Variants in GALNTL6 observed in about 807,000 individuals in gnomAD.
GALNTL6 encodes the protein polypeptide N-acetylgalactosaminyltransferase-like 6.
A neutral mutation model predicts 73.7 loss-of-function variants in GALNTL6; 46 were observed. The ratio of observed to expected loss-of-function variants is 0.62; its 90% CI spans 0.49 to 0.80. The LOEUF is 0.80. Among genes scored for constraint, GALNTL6 ranks in the 30% least tolerant of loss-of-function variants. The pLI, the probability that GALNTL6 is intolerant of heterozygous loss-of-function variation, is 0.00. For missense variants in GALNTL6, 604 were observed against 755.0 expected, an observed-to-expected ratio of 0.80 and a Z score of 2.34; for synonymous variants, 259 against 263.7, an observed-to-expected ratio of 0.98 and a Z score of 0.17.
intron 5 of GALNTL6, among the ~76,000 whole-genome samples, chr4:172,740,571 T>C (rs1047712207): frequency 6.6e-6 from 1 of 152,176 alleles, no homozygotes; most frequent in Non-Finnish European, 1.5e-5. Context: ...ACGCATGCTT[T>C]CCTAGCTGTG....
chr4:172,206,811 T>G (rs11946211), intron 2 of GALNTL6, among the ~76,000 whole-genome samples: 25 of 39,258 alleles, frequency 6.4e-4, no homozygotes, highest in Admixed American at 1.7e-3. Context: ...TTCTGTTTTT[T>G]TTGTTTGTTT....
chr4:172,618,353 C>A (rs988756458), intron 5 of GALNTL6, among the ~76,000 whole-genome samples: 1 of 152,078 alleles, frequency 6.6e-6, no homozygotes, highest in African/African-American at 2.4e-5. Context: ...AAAGGCAATT[C>A]CACAGAAAAC....
chr4:171,905,902 A>T (rs1360236694), intron 2 of GALNTL6, among the ~76,000 whole-genome samples: 2 of 150,966 alleles, frequency 1.3e-5, no homozygotes, highest in Non-Finnish European at 3.0e-5. Flanking sequence ...TACTGGGTAC[A>T]TAATGAAATG....
chr4:172,928,242 A>G (rs1676354141), intron 8 of GALNTL6, among the ~76,000 whole-genome samples: 1 of 152,184 alleles, frequency 6.6e-6, no homozygotes, highest in African/African-American at 2.4e-5. Context: ...TAATCTATAG[A>G]TACAATATCA....
At chr4:172,938,759 G>T (rs12641678) in intron 9 of GALNTL6, among the ~76,000 whole-genome samples, 13,944 of 152,202 alleles carry the variant, frequency 0.092, 759 homozygotes, top group Non-Finnish European at 0.12. Flanking sequence ...GAGTTCAGGG[G>T]CATGGTGGCC....
chr4:172,735,457 GA>G (rs1736405034), intron 5 of GALNTL6, among the ~76,000 whole-genome samples: 2 of 152,176 alleles, frequency 1.3e-5, no homozygotes, highest in African/African-American at 4.8e-5. Flanking sequence ...TTGTATCTAG[GA>G]AGTAACTAAC....
At chr4:172,025,279 T>C (rs988811575) in intron 2 of GALNTL6, among the ~76,000 whole-genome samples, 4 of 152,052 alleles carry the variant, frequency 2.6e-5, no homozygotes, top group African/African-American at 9.6e-5. Flanking sequence ...TTTCTTTTCA[T>C]TAAAATGGAC....
At chr4:172,602,636 CA>C (rs1489411582) in intron 5 of GALNTL6, among the ~76,000 whole-genome samples, 2 of 151,990 alleles carry the variant, frequency 1.3e-5, no homozygotes, top group East Asian at 3.9e-4. Flanking sequence ...ATACATTGAC[CA>C]TTCGAATATT....
intron 2 of GALNTL6, among the ~76,000 whole-genome samples, chr4:171,988,195 C>G (rs1166721673): frequency 2.6e-5 from 4 of 152,096 alleles, no homozygotes; most frequent in Non-Finnish European, 5.9e-5. Flanking sequence ...AGTCCTGGCT[C>G]TTGTGTAAGA....
chr4:172,522,673 C>G (rs931412704), intron 5 of GALNTL6, among the ~76,000 whole-genome samples: 44 of 63,342 alleles, frequency 6.9e-4, no homozygotes, highest in Admixed American at 5.0e-3. Flanking sequence ...AGTCCCCCCC[C>G]CCCCCAAAAA....
chr4:172,642,033 A>G (rs538429261), intron 5 of GALNTL6, among the ~76,000 whole-genome samples: 53 of 152,242 alleles, frequency 3.5e-4, no homozygotes, highest in African/African-American at 1.2e-3. Context: ...GTGAAATATC[A>G]TCCTACATCT....
Position 173,021,566 on chromosome 4 carries a change from C to T in GALNTL6, c.1579C>T (p.Pro527Ser). The T allele has an allele frequency of 6.2e-7, 1 of 1,614,090 alleles. No individual in the cohort carries two copies. The change falls in exon 12 of 13, where the codon CCC becomes TCC. Residue 527 changes from proline to serine, a missense_variant. Transcript: ENST00000506823. ...FCFDAISHNS[P>S]VTLYDCHGMK... ...CTTTGATGCGATCTCACACAACAGC[C>T]CCGTTACACTCTATGACTGTCATGG...
chr4:172,349,442 CAAA>C (rs1741866007), intron 5 of GALNTL6, among the ~76,000 whole-genome samples: 2 of 151,958 alleles, frequency 1.3e-5, no homozygotes, highest in East Asian at 1.9e-4. Flanking sequence ...TCTTATGTCT[CAAA>C]AGAGAATACA....
chr4:171,838,257 G>T (rs1445680840), intron 2 of GALNTL6, among the ~76,000 whole-genome samples: 1 of 151,918 alleles, frequency 6.6e-6, no homozygotes, highest in Non-Finnish European at 1.5e-5. Flanking sequence ...CCAAGAAGCT[G>T]GGGTTACAGG....
At chr4:173,034,041 C>T (rs1013941743) in intron 12 of GALNTL6, among the ~76,000 whole-genome samples, 3 of 152,190 alleles carry the variant, frequency 2.0e-5, no homozygotes, top group Non-Finnish European at 4.4e-5. Context: ...GTTTCTCTTT[C>T]TGCATTTCTT....
At chr4:172,794,633 G>T (rs1351204627) in intron 5 of GALNTL6, among the ~76,000 whole-genome samples, 1 of 152,042 alleles carries the variant, frequency 6.6e-6, no homozygotes, top group Admixed American at 6.6e-5. Flanking sequence ...CTTTTTCCAG[G>T]ATCTTTATCT....
chr4:172,611,414 T>C (rs1220154151), intron 5 of GALNTL6, among the ~76,000 whole-genome samples: 2 of 152,078 alleles, frequency 1.3e-5, no homozygotes, highest in South Asian at 2.1e-4. Context: ...GGATAGTTTT[T>C]CTCCTTTGCT....
intron 2 of GALNTL6, among the ~76,000 whole-genome samples, chr4:171,936,140 G>A (rs541396990): frequency 1.8e-4 from 28 of 152,182 alleles, no homozygotes; most frequent in Non-Finnish European, 3.1e-4. Flanking sequence ...ACAAAGTAAC[G>A]TGCATACTAA....
chr4:172,212,387 C>G (rs1736354233), intron 2 of GALNTL6, among the ~76,000 whole-genome samples: 1 of 151,996 alleles, frequency 6.6e-6, no homozygotes, highest in Non-Finnish European at 1.5e-5. Context: ...GTCTTGAACT[C>G]CTGACTTTGT....
Sources: allele counts gnomAD v4.1 joint callset (sites outside exome capture counted in the v4.1 genomes callset), GRCh38; gene constraint gnomAD v4.1.1; transcripts MANE v1.5; gene names NCBI Gene and HGNC (gene_info 2026-07-23, HGNC 2026-07-21).